Variants in ETV6 observed in about 807,000 individuals in gnomAD.
ETV6 encodes the protein transcription factor ETV6.
In ETV6, 16 loss-of-function variants were observed where a neutral mutation model predicts 51.1. The observed-to-expected ratio is 0.31, with a 90% CI of 0.21 to 0.48. The LOEUF is 0.48. ETV6 is among the 20% of genes least tolerant of loss of function. The pLI is 0.99. For synonymous variants in ETV6, 240 were observed against 224.1 expected (o/e 1.07, Z -0.64); for missense variants, 458 against 594.8 (o/e 0.77, Z 2.39).
intron 2 of ETV6, among the ~76,000 whole-genome samples, chr12:11,765,720 A>C (rs80142867): frequency 6.8e-6 from 1 of 147,572 alleles, no homozygotes; most frequent in Non-Finnish European, 1.5e-5. Flanking sequence ...GTGCATGGGG[A>C]AAAAAAAAAC....
At chr12:11,858,406 T>A (rs3020816) in intron 4 of ETV6, among the ~76,000 whole-genome samples, 11,209 of 147,912 alleles carry the variant, frequency 0.076, 661 homozygotes, top group African/African-American at 0.17. Context: ...ATATATATAT[T>A]TTTTTTTAAT....
At chr12:11,742,801 CTTTCTTTTTTTTT>C (rs1865834079) in intron 1 of ETV6, among the ~76,000 whole-genome samples, 1 of 63,046 alleles carries the variant, frequency 1.6e-5, no homozygotes, top group Non-Finnish European at 4.5e-5. Flanking sequence ...TCTTTTCTTT[CTTTCTTTTTTTTT>C]TTTTTTTTTG....
At chr12:11,779,834 A>G (rs1945385547) in intron 2 of ETV6, among the ~76,000 whole-genome samples, 1 of 152,228 alleles carries the variant, frequency 6.6e-6, no homozygotes, top group Non-Finnish European at 1.5e-5. Flanking sequence ...ATCCTTCTTT[A>G]CAGAGATAAA....
At chr12:11,880,032 TAAAA>T (rs59152213) in intron 5 of ETV6, among the ~76,000 whole-genome samples, 27 of 117,858 alleles carry the variant, frequency 2.3e-4, no homozygotes, top group South Asian at 2.8e-4. Flanking sequence ...GTCAATTGTT[TAAAA>T]AAAAAAAAAA....
intron 3 of ETV6, among the ~76,000 whole-genome samples, chr12:11,842,076 C>T (rs1470706871): frequency 1.5e-4 from 20 of 130,982 alleles, no homozygotes; most frequent in African/African-American, 5.4e-4. Context: ...AGCGAGACTC[C>T]GTCTCAAAAA....
At chr12:11,857,697 TGTGA>T (rs1205947342) in intron 4 of ETV6, among the ~76,000 whole-genome samples, 2 of 152,094 alleles carry the variant, frequency 1.3e-5, no homozygotes, top group Non-Finnish European at 1.5e-5. Flanking sequence ...GGTGAGTGTG[TGTGA>T]GTATGTATGT....
At chr12:11,834,775 G>A (rs544186394) in intron 2 of ETV6, among the ~76,000 whole-genome samples, 34 of 152,192 alleles carry the variant, frequency 2.2e-4, no homozygotes, top group Non-Finnish European at 4.3e-4. Flanking sequence ...AAAAGATCCT[G>A]GCTGTAAGGT....
chr12:11,805,531 T>C (rs956687228), intron 2 of ETV6, among the ~76,000 whole-genome samples: 3 of 152,182 alleles, frequency 2.0e-5, no homozygotes, highest in Non-Finnish European at 4.4e-5. Context: ...AGAAATCTGG[T>C]CTGGTGTGTC....
At position 11,891,755 on chromosome 12, in the gene ETV6, C is replaced by A; in HGVS notation, c.*709C>A. On this transcript the variant is annotated 3_prime_UTR_variant, in exon 8 of 8. Coordinates refer to ENST00000396373, the MANE Select transcript of ETV6 (RefSeq NM_001987.5). ...GACAGAGTTCAGCCTCTTGGAGAGT[C>A]TTGGGGATTGTTGGCACCTAAACAG... The A allele has an allele frequency of 2.6e-6, 1 of 385,924 alleles. No homozygotes were observed. The highest frequency in any genetic ancestry group is 5.0e-6 in the Non-Finnish European group (1 of 200,054). 23.9% of individuals were successfully genotyped at this position (385,924 alleles called of 1,614,324 possible).
intron 7 of ETV6, among the ~76,000 whole-genome samples, chr12:11,890,591 ATT>A (rs11414088): frequency 6.8e-6 from 1 of 146,892 alleles, no homozygotes; most frequent in Non-Finnish European, 1.5e-5. Flanking sequence ...CCGTACCCAG[ATT>A]TTTTTTTTTT....
intron 1 of ETV6, among the ~76,000 whole-genome samples, chr12:11,666,063 G>A (rs894354333): frequency 7.2e-5 from 11 of 152,124 alleles, no homozygotes; most frequent in South Asian, 2.1e-4. Context: ...AGCTGTGTGC[G>A]GTCTTGGCCA....
At chr12:11,750,916 T>C in intron 1 of ETV6, 1 of 469,544 alleles carries the variant, frequency 2.1e-6, no homozygotes, top group Non-Finnish European at 4.1e-6. Context: ...TCAAGAAAAG[T>C]GCAGTTGAAA....
chr12:11,807,176 C>T (rs762815075), intron 2 of ETV6, among the ~76,000 whole-genome samples: 1 of 152,226 alleles, frequency 6.6e-6, no homozygotes, highest in Non-Finnish European at 1.5e-5. Context: ...TCGGATGTAA[C>T]TACATTGCTT....
At chr12:11,879,132 G>A (rs1310200940) in intron 5 of ETV6, among the ~76,000 whole-genome samples, 1 of 151,918 alleles carries the variant, frequency 6.6e-6, no homozygotes. Flanking sequence ...TTTTGTTGCT[G>A]AACTGGAAAT....
At chr12:11,720,432 A>G (rs1182628922) in intron 1 of ETV6, among the ~76,000 whole-genome samples, 1 of 152,230 alleles carries the variant, frequency 6.6e-6, no homozygotes, top group Non-Finnish European at 1.5e-5. Flanking sequence ...CTGTAAAATC[A>G]GGATAAAAAT....
At chr12:11,882,663 A>G (rs1053111416) in intron 5 of ETV6, among the ~76,000 whole-genome samples, 3 of 152,248 alleles carry the variant, frequency 2.0e-5, no homozygotes, top group African/African-American at 4.8e-5. Flanking sequence ...TATCACTAAT[A>G]TAATAATCCT....
chr12:11,817,543 A>G (rs1946011087), intron 2 of ETV6, among the ~76,000 whole-genome samples: 1 of 152,244 alleles, frequency 6.6e-6, no homozygotes, highest in East Asian at 1.9e-4. Flanking sequence ...AGTAATTTCC[A>G]CTAATGATCT....
Position 11,741,454 on chromosome 12 carries a change from C to G in ETV6, c.34-10996C>G, listed in dbSNP as rs559559467. ...TGGGGTGGGTTTTCCTTTCCTCTTC[C>G]TTGTTTTTTATTAACCTTGTCTTGC... On this transcript the variant is annotated intron_variant, in intron 1 of 7. Transcript: ENST00000396373. Among the ~76,000 whole-genome samples the G allele has an allele frequency of 5.9e-5, 9 of 152,300 alleles. No homozygotes were observed. In the South Asian group the frequency reaches 1.2e-3, roughly 21 times the overall value.
intron 2 of ETV6, among the ~76,000 whole-genome samples, chr12:11,812,462 T>C (rs7296981): frequency 0.41 from 61,875 of 152,016 alleles, 13,117 homozygotes; most frequent in African/African-American, 0.53. Context: ...CCTCCCCCTG[T>C]GCTCACTCAC....
Sources: allele counts gnomAD v4.1 joint callset (sites outside exome capture counted in the v4.1 genomes callset), GRCh38; gene constraint gnomAD v4.1.1; transcripts MANE v1.5; gene names NCBI Gene and HGNC (gene_info 2026-07-23, HGNC 2026-07-21).